ELMO1: variants seen among roughly 807,000 people sequenced by gnomAD.
ELMO1 encodes the protein engulfment and cell motility protein 1.
In ELMO1, 26 loss-of-function variants were observed where a neutral mutation model predicts 98.9. The observed-to-expected ratio is 0.26, with a 90% CI of 0.19 to 0.36. The LOEUF is 0.36. Ranked by LOEUF, ELMO1 falls within the 10% of genes least tolerant of loss-of-function variation. ELMO1 has a pLI of 1.00. For synonymous variants in ELMO1, 346 were observed against 346.0 expected, an observed-to-expected ratio of 1.00 and a Z score of 0.00; for missense variants, 627 against 935.2, an observed-to-expected ratio of 0.67 and a Z score of 4.30.
chr7:37,380,130 C>T (rs1802524507), intron 1 of ELMO1, among the ~76,000 whole-genome samples: 1 of 152,204 alleles, frequency 6.6e-6, no homozygotes, highest in Admixed American at 6.5e-5. Context: ...AGCTGTCCTT[C>T]CCCTCTTCCA....
intron 4 of ELMO1, among the ~76,000 whole-genome samples, chr7:37,304,941 G>A (rs1041127746): frequency 6.6e-6 from 1 of 152,180 alleles, no homozygotes; most frequent in Non-Finnish European, 1.5e-5. Flanking sequence ...AGTGGAGTGT[G>A]ACTGTGCAAA....
Position 37,233,119 on chromosome 7 carries a change from T to C in ELMO1, c.525A>G (p.Thr175=), listed in dbSNP as rs779732945. ...CCTTCTTAATGAACGCCACCGAAAATGTATCCCAGGACACTATGCCATGGT... is the reference window on the plus strand; with the variant it reads ...CCTTCTTAATGAACGCCACCGAAAACGTATCCCAGGACACTATGCCATGGT... ...LMDHGIVSWD[T]FSVAFIKKIA... Residue 175 remains threonine, a synonymous_variant, in exon 8 of 22, where the codon ACA becomes ACG. Transcript: ENST00000310758. The C allele has an allele frequency of 8.7e-6, 14 of 1,608,056 alleles. No homozygotes were observed. The highest frequency in any genetic ancestry group is 1.4e-5 in the African/African-American group (1 of 73,338).
At chr7:37,158,804 G>T (rs1788983778) in intron 13 of ELMO1, among the ~76,000 whole-genome samples, 2 of 152,174 alleles carry the variant, frequency 1.3e-5, no homozygotes, top group African/African-American at 4.8e-5. Flanking sequence ...CCATTACTGG[G>T]TATATACCCA....
chr7:37,076,206 G>C (rs1056491546), intron 15 of ELMO1, among the ~76,000 whole-genome samples: 1 of 152,144 alleles, frequency 6.6e-6, no homozygotes, highest in Non-Finnish European at 1.5e-5. Context: ...TACTTCCAGA[G>C]AGTAATCCAT....
intron 13 of ELMO1, among the ~76,000 whole-genome samples, chr7:37,189,386 C>T (rs978368590): frequency 2.6e-5 from 4 of 151,992 alleles, no homozygotes; most frequent in African/African-American, 7.3e-5. Flanking sequence ...TAAGGCATTC[C>T]GAAGGATATC....
chr7:37,019,299 C>T (rs996732968), intron 15 of ELMO1, among the ~76,000 whole-genome samples: 4 of 152,230 alleles, frequency 2.6e-5, no homozygotes, highest in African/African-American at 9.6e-5. Flanking sequence ...AAGACTCCTC[C>T]TTTGCAGGGA....
At chr7:36,997,105 A>G (rs572865152) in intron 16 of ELMO1, among the ~76,000 whole-genome samples, 1 of 152,118 alleles carries the variant, frequency 6.6e-6, no homozygotes, top group South Asian at 2.1e-4. Context: ...AAACAAACAC[A>G]TCGTCTACAC....
intron 2 of ELMO1, among the ~76,000 whole-genome samples, chr7:37,336,268 A>C (rs890304749): frequency 1.3e-5 from 2 of 152,046 alleles, no homozygotes; most frequent in South Asian, 4.1e-4. Flanking sequence ...CCCCCTCTAC[A>C]TGATATAACC....
At chr7:37,341,230 C>T (rs116445459) in intron 2 of ELMO1, among the ~76,000 whole-genome samples, 64 of 152,344 alleles carry the variant, frequency 4.2e-4, no homozygotes, top group African/African-American at 1.5e-3. Flanking sequence ...GCGGGGCATT[C>T]AGGACCTCTC....
At chr7:36,859,518 G>T (rs892747372) in intron 21 of ELMO1, among the ~76,000 whole-genome samples, 1 of 152,158 alleles carries the variant, frequency 6.6e-6, no homozygotes, top group Non-Finnish European at 1.5e-5. Context: ...AGGAATGTGC[G>T]AGCTCAGTGT....
intron 13 of ELMO1, among the ~76,000 whole-genome samples, chr7:37,187,448 C>G (rs1484566639): frequency 6.6e-6 from 1 of 152,092 alleles, no homozygotes; most frequent in Non-Finnish European, 1.5e-5. Flanking sequence ...ATTATATGGT[C>G]TATAAATTAT....
intron 14 of ELMO1, among the ~76,000 whole-genome samples, chr7:37,105,153 C>T (rs1784876735): frequency 6.6e-6 from 1 of 152,218 alleles, no homozygotes; most frequent in African/African-American, 2.4e-5. Context: ...GCGCAAAACA[C>T]ACAGAGCAAT....
At chr7:37,175,234 T>C (rs1790438534) in intron 13 of ELMO1, among the ~76,000 whole-genome samples, 2 of 152,198 alleles carry the variant, frequency 1.3e-5, no homozygotes, top group African/African-American at 4.8e-5. Flanking sequence ...CCATAGTGTT[T>C]GTTCCTTCCA....
intron 2 of ELMO1, among the ~76,000 whole-genome samples, chr7:37,332,381 T>C (rs1287363371): frequency 3.3e-5 from 5 of 152,234 alleles, no homozygotes; most frequent in African/African-American, 1.2e-4. Flanking sequence ...GTGCAGGCCC[T>C]ATGCTGGCGC....
At chr7:37,124,915 A>C (rs1054880584) in intron 14 of ELMO1, among the ~76,000 whole-genome samples, 10 of 152,246 alleles carry the variant, frequency 6.6e-5, no homozygotes, top group African/African-American at 2.4e-4. Flanking sequence ...CCAAAACAGC[A>C]TGGTACTGGT....
At chr7:37,405,896 C>T (rs1011136719) in intron 1 of ELMO1, among the ~76,000 whole-genome samples, 1 of 152,182 alleles carries the variant, frequency 6.6e-6, no homozygotes, top group African/African-American at 2.4e-5. Context: ...GAGAGCTGAC[C>T]ACGAGAGCAT....
Position 36,883,486 on chromosome 7 carries a change from T to C in ELMO1, c.1714+4074A>G, listed in dbSNP as rs551547046. Among the ~76,000 whole-genome samples the C allele has an allele frequency of 4.6e-5, 7 of 152,314 alleles. No homozygotes were observed. In the East Asian group the frequency reaches 1.4e-3, roughly 29 times the overall value. On this transcript the variant is annotated intron_variant, in intron 18 of 21. Coordinates refer to ENST00000310758, the MANE Select transcript of ELMO1 (RefSeq NM_014800.11). ...GAGGTGGGTCCTGGTGGGAGGTGAC[T>C]GGATCATGGGGGTGGAATGCTCATG...
chr7:36,903,627 G>A (rs543926506), intron 16 of ELMO1, among the ~76,000 whole-genome samples: 4 of 152,342 alleles, frequency 2.6e-5, no homozygotes, highest in South Asian at 4.1e-4. Flanking sequence ...CATGGGTCAT[G>A]TTTTGCAAAG....
intron 1 of ELMO1, among the ~76,000 whole-genome samples, chr7:37,446,531 A>G (rs148658661): frequency 0.01 from 1,567 of 152,292 alleles, 20 homozygotes; most frequent in African/African-American, 0.036. Flanking sequence ...TCCTCCTGTA[A>G]TATCATGGGC....
Sources: gnomAD v4.1 joint callset for allele counts (sites outside exome capture counted in the v4.1 genomes callset) on GRCh38, gnomAD v4.1.1 for gene constraint, MANE v1.5 for transcripts, NCBI Gene and HGNC (gene_info 2026-07-23, HGNC 2026-07-21) for gene names.